CEP83: variants seen among roughly 807,000 people sequenced by gnomAD.
The protein encoded by CEP83 is centrosomal protein of 83 kDa.
In CEP83, 70 loss-of-function variants were observed where a neutral mutation model predicts 101.9. That is an observed-to-expected ratio of 0.69 (90% CI 0.57 to 0.84). The LOEUF is 0.84. Ranked by LOEUF, CEP83 falls within the 40% of genes least tolerant of loss-of-function variation. The probability of loss-of-function intolerance (pLI) is 0.00; values close to 1 mark genes in which losing one functional copy is unlikely to be tolerated. For synonymous variants in CEP83, 264 were observed against 267.9 expected (o/e 0.99, Z 0.14); for missense variants, 715 against 787.2 (o/e 0.91, Z 1.10).
At chr12:94,438,895 G>A (rs909456758) in intron 1 of CEP83, among the ~76,000 whole-genome samples, 2 of 152,086 alleles carry the variant, frequency 1.3e-5, no homozygotes, top group African/African-American at 2.4e-5. Context: ...CAAATATATG[G>A]AAATTTAAAC....
chr12:94,348,226 T>TA (rs1318026609), intron 11 of CEP83, among the ~76,000 whole-genome samples: 3 of 151,124 alleles, frequency 2.0e-5, no homozygotes, highest in Non-Finnish European at 3.0e-5. Context: ...AAAAAAAATT[T>TA]AAAAAAAAGA....
At chr12:94,423,833 A>T (rs890442930) in intron 2 of CEP83, 1 of 1,613,452 alleles carries the variant, frequency 6.2e-7, no homozygotes, top group East Asian at 2.2e-5. Flanking sequence ...TCCTCGACTG[A>T]AACACTGGAA....
In CEP83 at chr12:94,424,171, A is replaced by G. The variant is rs575514056; in HGVS notation, c.-102+11104T>C. On this transcript the variant is annotated intron_variant, in intron 2 of 16. Transcript: ENST00000397809. ...CAAGCATCCTGTTGGGGGTGATGTT[A>G]TAAGGGGCTGGGTAAAACCCATTCT... 8.1e-6 allele frequency: 13 copies of G among 1,604,340 alleles called. No homozygotes were observed. The East Asian group carries it at 2.5e-4, about 30-fold the overall frequency.
chr12:94,409,280 A>G (rs183803676), intron 4 of CEP83, among the ~76,000 whole-genome samples: 8 of 152,116 alleles, frequency 5.3e-5, no homozygotes, highest in African/African-American at 1.7e-4. Flanking sequence ...CAGAAACTAG[A>G]TATGTTTATC....
At chr12:94,331,996 G>C (rs2059246314) in intron 13 of CEP83, among the ~76,000 whole-genome samples, 167 bp from the exon 14 acceptor site, 1 of 152,158 alleles carries the variant, frequency 6.6e-6, no homozygotes, top group Admixed American at 6.5e-5. Context: ...CCATTACTGA[G>C]CACTTCCTAT....
chr12:94,406,810 C>A (rs1160633328), intron 4 of CEP83, among the ~76,000 whole-genome samples: 3 of 151,212 alleles, frequency 2.0e-5, no homozygotes, highest in African/African-American at 7.3e-5. Context: ...ACCTATAGTC[C>A]CAGCTACTCA....
chr12:94,402,409 G>C (rs1461283955), intron 5 of CEP83: 2 of 150,696 alleles, frequency 1.3e-5, no homozygotes, highest in East Asian at 1.9e-4. Context: ...ATGTATACCA[G>C]AAAAAAAAAT....
chr12:94,299,022 T>C, the CEP83 span, among the ~76,000 whole-genome samples: 1 of 152,230 alleles, frequency 6.6e-6, no homozygotes, highest in Non-Finnish European at 1.5e-5. Context: ...ACTGTTATCT[T>C]TGGTGCATGA....
chr12:94,372,552 A>G (rs2061352719), intron 8 of CEP83, among the ~76,000 whole-genome samples: 1 of 152,232 alleles, frequency 6.6e-6, no homozygotes, highest in Non-Finnish European at 1.5e-5. Context: ...ACAGCATTTC[A>G]TTAACAAACA....
chr12:94,283,170 G>A, the CEP83 span, among the ~76,000 whole-genome samples: 3 of 152,144 alleles, frequency 2.0e-5, no homozygotes, highest in Admixed American at 2.0e-4. Flanking sequence ...AGGACGGAGA[G>A]ACAAGTAGAG....
At chr12:94,354,343 A>C (rs2060344111) in intron 11 of CEP83, among the ~76,000 whole-genome samples, 1 of 151,800 alleles carries the variant, frequency 6.6e-6, no homozygotes, top group African/African-American at 2.4e-5. Context: ...CACCAAACCC[A>C]ATCAATTTTT....
chr12:94,391,590 C>T (rs140051537), intron 6 of CEP83, among the ~76,000 whole-genome samples: 8 of 152,146 alleles, frequency 5.3e-5, no homozygotes, highest in South Asian at 2.1e-4. Context: ...AAATAACCAG[C>T]GAACATCGTA....
chr12:94,443,045 T>A (rs2066527165), intron 1 of CEP83, among the ~76,000 whole-genome samples: 1 of 152,216 alleles, frequency 6.6e-6, no homozygotes, highest in South Asian at 2.1e-4. Context: ...ATACATTGCC[T>A]TCGTCACTAT....
At chr12:94,292,446 C>T in the CEP83 span, among the ~76,000 whole-genome samples, 2 of 152,122 alleles carry the variant, frequency 1.3e-5, no homozygotes, top group East Asian at 1.9e-4. Flanking sequence ...AAGCATGTCC[C>T]ACATTATGCT....
Position 94,424,558 on chromosome 12 carries a change from T to C in CEP83, c.-102+10717A>G, listed in dbSNP as rs1301497576. On this transcript the variant is annotated intron_variant, in intron 2 of 16. Transcript: ENST00000397809. Reference sequence around the variant, plus strand: ...TTGACAGTGGGAGGTTTGAGATGTATAAATTTGTGGGGTCCTGTTCCTGTT... The same window carrying C: ...TTGACAGTGGGAGGTTTGAGATGTACAAATTTGTGGGGTCCTGTTCCTGTT... The C allele has an allele frequency of 3.1e-6, 5 of 1,613,492 alleles. No homozygotes were observed. The Admixed American group carries it at 5.0e-5, about 16-fold the overall frequency.
intron 11 of CEP83, among the ~76,000 whole-genome samples, chr12:94,362,790 G>A (rs771622301): frequency 1.2e-4 from 18 of 152,168 alleles, no homozygotes; most frequent in East Asian, 3.8e-4. Context: ...ATCAACCTAC[G>A]TGCCCATCAA....
intron 11 of CEP83, among the ~76,000 whole-genome samples, chr12:94,348,215 G>C (rs955209484): frequency 2.0e-5 from 3 of 151,480 alleles, no homozygotes; most frequent in Non-Finnish European, 2.9e-5. Context: ...CATTGAAACA[G>C]AAAAAAAATT....
At chr12:94,352,150 G>C (rs1280864555) in intron 11 of CEP83, among the ~76,000 whole-genome samples, 29 of 152,186 alleles carry the variant, frequency 1.9e-4, no homozygotes, top group Admixed American at 1.8e-3. Context: ...GTTGGGCGTG[G>C]TGGTTCACGC....
chr12:94,383,128 G>T (rs926817262), intron 6 of CEP83, among the ~76,000 whole-genome samples: 5 of 151,718 alleles, frequency 3.3e-5, no homozygotes, highest in Non-Finnish European at 7.4e-5. Context: ...TATAAATCTG[G>T]TATTTTTCTT....
Sources: gnomAD v4.1 joint callset for allele counts (sites outside exome capture counted in the v4.1 genomes callset) on GRCh38, gnomAD v4.1.1 for gene constraint, MANE v1.5 for transcripts, NCBI Gene and HGNC (gene_info 2026-07-23, HGNC 2026-07-21) for gene names.